Variants in TIGD1 observed in about 807,000 individuals in gnomAD.
TIGD1 encodes tigger transposable element-derived protein 1.
Under a neutral mutation model 21.3 loss-of-function variants are expected in TIGD1, and 20 were observed. The observed-to-expected ratio is 0.94, with a 90% CI of 0.66 to 1.36. The LOEUF (loss-of-function observed/expected upper bound fraction) is 1.36. Among genes scored for constraint, TIGD1 ranks in the 40% most tolerant of loss-of-function variants. The probability of loss-of-function intolerance (pLI) is 0.00; values close to 1 mark genes in which losing one functional copy is unlikely to be tolerated. For synonymous variants in TIGD1, 177 were observed against 123.2 expected (o/e 1.44, Z -2.89); for missense variants, 556 against 350.5 (o/e 1.59, Z -4.68).
Position 232,545,083 on chromosome 2 carries a change from G to A in TIGD1, c.*3024C>T, listed in dbSNP as rs1052397874. ...AGGCCGAGGCGAGTGGATCACCTGA[G>A]GTCAGGAGTTTGAGACCAGCCTGGC... is the stretch of plus-strand genomic sequence containing the variant. On this transcript the variant is annotated 3_prime_UTR_variant, in exon 1 of 1. Transcript: ENST00000408957. 1.3e-5 allele frequency among the ~76,000 whole-genome samples: 2 copies of A among 152,052 alleles called. No homozygotes were observed. Among genetic ancestry groups the A allele is most frequent in the Admixed American group, 1.3e-4 (2 of 15,278 alleles).
chr2:232,546,171 C>G lies in TIGD1; in HGVS notation c.*1936G>C, dbSNP rs1692129991. On this transcript the variant is annotated 3_prime_UTR_variant, in exon 1 of 1. Transcript: ENST00000408957. Reference sequence around the variant, plus strand: ...GCTCTCTCCAAAGCAGGGCAGCAGCCCATACCAGCTGGCATCTCCCCCCCG... The same window carrying G: ...GCTCTCTCCAAAGCAGGGCAGCAGCGCATACCAGCTGGCATCTCCCCCCCG... 4.2e-6 allele frequency: 1 copy of G among 237,190 alleles called. No homozygotes were observed. Among genetic ancestry groups the G allele is most frequent in the Non-Finnish European group, 8.4e-6 (1 of 118,576 alleles). The allele number at this position is 237,190 out of a possible 1,614,324, so 14.7% of individuals were successfully genotyped here.
chr2:232,549,273 T>C lies in TIGD1; in HGVS notation c.610A>G (p.Arg204Gly), dbSNP rs1692215691. 1 of 665,548 alleles carries C rather than the reference T, an allele frequency of 1.5e-6. No homozygotes were observed. The highest frequency in any genetic ancestry group is 2.7e-6 in the Non-Finnish European group (1 of 368,694). 41.2% of individuals were successfully genotyped at this position (665,548 alleles called of 1,614,324 possible). The stretch of plus-strand genomic sequence containing the variant: ...AAGCCAGGCACTGACTTCTCCTCTC[T>C]AGCTATGAAAGTTCTAGATGGCATC... ...KKMPSRTFIA[R>G]EEKSVPGFKA... is the part of the protein sequence containing the mutation. Residue 204 changes from arginine to glycine, a missense_variant, in exon 1 of 1, where the codon AGA becomes GGA. By Grantham distance (125) the Arg-to-Gly change is moderately radical. Transcript: ENST00000408957.
chr2:232,549,919 G>C lies in TIGD1; in HGVS notation c.-37C>G. ...TAATTCGCCTAATCTCAATATTGTT[G>C]TGTCTCAGGGAATAGGGAGGCCCAA... On this transcript the variant is annotated 5_prime_UTR_variant, in exon 1 of 1. Transcript: ENST00000408957. 8 of 1,172,216 alleles carry C rather than the reference G, an allele frequency of 6.8e-6. No homozygotes were observed. Among genetic ancestry groups the C allele is most frequent in the Non-Finnish European group, 9.5e-6 (8 of 841,742 alleles). 72.6% of individuals were successfully genotyped at this position (1,172,216 alleles called of 1,614,324 possible). A position where few individuals can be genotyped will look rare whatever the true frequency, so the allele number is the denominator to read the frequency against.
chr2:232,545,562 T>G lies in TIGD1; in HGVS notation c.*2545A>C. The G allele has an allele frequency of 1.2e-6, 2 of 1,613,966 alleles. No homozygotes were observed. The highest frequency in any genetic ancestry group is 1.7e-6 in the Non-Finnish European group (2 of 1,180,002). On this transcript the variant is annotated 3_prime_UTR_variant, in exon 1 of 1. Transcript: ENST00000408957. The stretch of plus-strand genomic sequence containing the variant: ...CCTCAGGGGAATGAGGAGTGGTTCC[T>G]GGTGGGCCGAGTGCTGGACCGCGTC...
rs935764126 is a variant in TIGD1, at chr2:232,548,942, A to C, written c.941T>G (p.Ile314Arg). Residue 314 changes from isoleucine to arginine, a missense_variant, in exon 1 of 1, where the codon ATA (isoleucine) becomes AGA (arginine). By Grantham distance (97) the Ile-to-Arg change is moderately conservative. Coordinates refer to ENST00000408957, the MANE Select transcript of TIGD1 (RefSeq NM_145702.4). ...APSHPRALME[I>R]YEEINVIFMP... ...GAAAATAACATTAATCTCCTCGTATATCTCCATCAGAGCTCTTGGATGACT... is the reference window on the plus strand; with the variant it reads ...GAAAATAACATTAATCTCCTCGTATCTCTCCATCAGAGCTCTTGGATGACT... 2.9e-6 allele frequency: 2 copies of C among 681,622 alleles called. No individual in the cohort carries two copies. Among genetic ancestry groups the C allele is most frequent in the Non-Finnish European group, 2.7e-6 (1 of 372,344 alleles). 42.2% of individuals were successfully genotyped at this position (681,622 alleles called of 1,614,324 possible). A position where few individuals can be genotyped will look rare whatever the true frequency, so the allele number is the denominator to read the frequency against.
In TIGD1 at chr2:232,547,720, T is replaced by C. The variant is rs533403823; in HGVS notation, c.*387A>G. On this transcript the variant is annotated 3_prime_UTR_variant, in exon 1 of 1. Coordinates refer to ENST00000408957, the MANE Select transcript of TIGD1 (RefSeq NM_145702.4). ...AGGGAATCTGATGACAGTGGGGCCA[T>C]TTCCGGTTCCCACCAGCCCCTTACT... Among the ~76,000 whole-genome samples the C allele has an allele frequency of 2.0e-5, 3 of 152,324 alleles. No homozygotes were observed. The highest frequency in any genetic ancestry group is 4.1e-4 in the South Asian group (2 of 4,828).
chr2:232,544,401 T>G lies in TIGD1; in HGVS notation c.*3706A>C. ...AGGCTCTTGCCCCAGCTGCTGAGGA[T>G]GCACGTTCGCCCGCTGGCCCCGGCA... On this transcript the variant is annotated 3_prime_UTR_variant, in exon 1 of 1. Coordinates refer to ENST00000408957, the MANE Select transcript of TIGD1 (RefSeq NM_145702.4). 6.2e-7 allele frequency: 1 copy of G among 1,613,474 alleles called. No individual in the cohort carries two copies. The highest frequency in any genetic ancestry group is 8.5e-7 in the Non-Finnish European group (1 of 1,180,004).
chr2:232,548,058 T>C lies in TIGD1; in HGVS notation c.*49A>G. The C allele has an allele frequency of 1.7e-6, 1 of 580,762 alleles. No individual in the cohort carries two copies. The highest frequency in any genetic ancestry group is 3.0e-6 in the Non-Finnish European group (1 of 332,854). The allele number at this position is 580,762 out of a possible 1,614,324, so 36.0% of individuals were successfully genotyped here. A position where few individuals can be genotyped will look rare whatever the true frequency, so the allele number is the denominator to read the frequency against. ...GCAATAGCATTGTCTAATAAAACAA[T>C]ATACATACCTAAATTTAAAAATACT... is the stretch of plus-strand genomic sequence containing the variant. On this transcript the variant is annotated 3_prime_UTR_variant, in exon 1 of 1. Transcript: ENST00000408957.
rs1170836919 is a variant in TIGD1, at chr2:232,548,607, C to T, written c.1276G>A (p.Ala426Thr). The T allele has an allele frequency of 5.4e-6, 3 of 553,402 alleles. No homozygotes were observed. Among genetic ancestry groups the T allele is most frequent in the Non-Finnish European group, 1.0e-5 (3 of 294,764 alleles). 34.3% of individuals were successfully genotyped at this position (553,402 alleles called of 1,614,324 possible). A position where few individuals can be genotyped will look rare whatever the true frequency, so the allele number is the denominator to read the frequency against. ...GFKTSVEEVS[A>T]DVVEIAKELE... ...TCTTTTGCTATTTCCACCACATCTG[C>T]ACTTACTTCCTCCACTGAAGTCTTG... Residue 426 changes from alanine (A) to threonine (T), a missense_variant, in exon 1 of 1, where the codon GCA (alanine) becomes ACA (threonine). Physicochemically the swap from Ala to Thr is moderately conservative, Grantham distance 58 (BLOSUM62 0). Transcript: ENST00000408957.
chr2:232,548,457 T>C lies in TIGD1; in HGVS notation c.1426A>G (p.Thr476Ala), dbSNP rs1042395509. Reference sequence around the variant, plus strand: ...ATGTTCACAGCATCTTCACCAGGTGTAGATTCCATCTCAAGAAACCACTTT... The same window carrying C: ...ATGTTCACAGCATCTTCACCAGGTGCAGATTCCATCTCAAGAAACCACTTT... ...QRKWFLEMES[T>A]PGEDAVNIVE... is the part of the protein sequence containing the mutation. Residue 476 changes from threonine to alanine, a missense_variant, in exon 1 of 1, where the codon ACA (threonine) becomes GCA (alanine). Coordinates refer to ENST00000408957, the MANE Select transcript of TIGD1 (RefSeq NM_145702.4). 8.6e-6 allele frequency: 6 copies of C among 695,448 alleles called. No homozygotes were observed. The highest frequency in any genetic ancestry group is 3.4e-5 in the South Asian group (2 of 58,508). The allele number at this position is 695,448 out of a possible 1,614,324, so 43.1% of individuals were successfully genotyped here. A position where few individuals can be genotyped will look rare whatever the true frequency, so the allele number is the denominator to read the frequency against.
rs1244612222 is a variant in TIGD1 at position 232,548,114 on chromosome 2, G to A, written c.1769C>T (p.Ser590Leu). ...PAKRVRLTEG[S>L]D ...GCTAAAAAATGCTGATTATCAATCTGAGCCTTCGGTGAGTCGTACTCTTTT... is the reference window on the plus strand; with the variant it reads ...GCTAAAAAATGCTGATTATCAATCTAAGCCTTCGGTGAGTCGTACTCTTTT... The change falls in exon 1 of 1, where the codon TCA (serine) becomes TTA (leucine). Residue 590 changes from serine to leucine, a missense_variant. Physicochemically the swap from Ser to Leu is moderately radical, Grantham distance 145. Transcript: ENST00000408957. 8 of 754,178 alleles carry A rather than the reference G, an allele frequency of 1.1e-5. No individual in the cohort carries two copies. The highest frequency in any genetic ancestry group is 1.8e-5 in the African/African-American group (1 of 56,174). 46.7% of individuals were successfully genotyped at this position (754,178 alleles called of 1,614,324 possible).
At position 232,548,172 on chromosome 2, in the gene TIGD1, G is replaced by C; in HGVS notation, c.1711C>G (p.Pro571Ala). ...SAATTLTSQQPSTSRQDPPPA... is the reference protein window; with the variant it reads ...SAATTLTSQQASTSRQDPPPA... ...GGAGGGTCTTGCCTCGAGGTTGATG[G>C]TTGCTGACTGGTCAGGGTGGTGGCT... The change falls in exon 1 of 1, where the codon CCA becomes GCA. Residue 571 changes from proline to alanine, a missense_variant. Pro to Ala is a conservative substitution (Grantham distance 27). Transcript: ENST00000408957. The C allele has an allele frequency of 6.8e-7, 1 of 1,476,742 alleles. No individual in the cohort carries two copies. The highest frequency in any genetic ancestry group is 9.1e-7 in the Non-Finnish European group (1 of 1,102,330). The allele number at this position is 1,476,742 out of a possible 1,614,324, so 91.5% of individuals were successfully genotyped here.
At position 232,545,713 on chromosome 2, in the gene TIGD1, C is replaced by T. The variant is rs754319350; in HGVS notation, c.*2394G>A. ...CACGCCCCTACCTGCCCTCACCAGACTGAGCCAACCAACCACTGTGGGGCA... is the reference window on the plus strand; with the variant it reads ...CACGCCCCTACCTGCCCTCACCAGATTGAGCCAACCAACCACTGTGGGGCA... On this transcript the variant is annotated 3_prime_UTR_variant, in exon 1 of 1. Transcript: ENST00000408957. 1.2e-4 allele frequency: 191 copies of T among 1,614,042 alleles called. No individual in the cohort carries two copies. Among genetic ancestry groups the T allele is most frequent in the Middle Eastern group, 3.3e-4 (2 of 6,084 alleles).
At position 232,547,647 on chromosome 2, in the gene TIGD1, T is replaced by C. The variant is rs1692155871; in HGVS notation, c.*460A>G. ...TGAAGCAAGAGCAGAGTCAGAGCTA[T>C]AGAGAACTAGAGGAGTTAGGGAGAG... On this transcript the variant is annotated 3_prime_UTR_variant, in exon 1 of 1. Coordinates refer to ENST00000408957, the MANE Select transcript of TIGD1 (RefSeq NM_145702.4). Among the ~76,000 whole-genome samples the C allele has an allele frequency of 6.6e-6, 1 of 152,142 alleles. No homozygotes were observed. Among genetic ancestry groups the C allele is most frequent in the Admixed American group, 6.6e-5 (1 of 15,264 alleles).
Position 232,544,267 on chromosome 2 carries a change from C to A in TIGD1, c.*3840G>T. The A allele has an allele frequency of 4.4e-6, 4 of 913,876 alleles. No individual in the cohort carries two copies. Among genetic ancestry groups the A allele is most frequent in the Non-Finnish European group, 7.2e-6 (4 of 553,464 alleles). The allele number at this position is 913,876 out of a possible 1,614,324, so 56.6% of individuals were successfully genotyped here. ...AAGGCCACGTCACTGCCCCGGTATGCTGCCTCCATGGTCCCTAGCAGCACA... is the reference window on the plus strand; with the variant it reads ...AAGGCCACGTCACTGCCCCGGTATGATGCCTCCATGGTCCCTAGCAGCACA... On this transcript the variant is annotated 3_prime_UTR_variant, in exon 1 of 1. Transcript: ENST00000408957.
chr2:232,549,907 C>G lies in TIGD1; in HGVS notation c.-25G>C. ...TTGCAGAGTCATTAATTCGCCTAAT[C>G]TCAATATTGTTGTGTCTCAGGGAAT... is the stretch of plus-strand genomic sequence containing the variant. On this transcript the variant is annotated 5_prime_UTR_variant, in exon 1 of 1. Coordinates refer to ENST00000408957, the MANE Select transcript of TIGD1 (RefSeq NM_145702.4). The G allele has an allele frequency of 7.9e-7, 1 of 1,258,386 alleles. No individual in the cohort carries two copies. The highest frequency in any genetic ancestry group is 1.1e-6 in the Non-Finnish European group (1 of 915,966). The allele number at this position is 1,258,386 out of a possible 1,614,324, so 78.0% of individuals were successfully genotyped here.
In TIGD1 at chr2:232,544,505, T is replaced by C. The variant is rs778834766; in HGVS notation, c.*3602A>G. 6.2e-7 allele frequency: 1 copy of C among 1,613,826 alleles called. No individual in the cohort carries two copies. The highest frequency in any genetic ancestry group is 8.5e-7 in the Non-Finnish European group (1 of 1,179,978). On this transcript the variant is annotated 3_prime_UTR_variant, in exon 1 of 1. Transcript: ENST00000408957. Reference sequence around the variant, plus strand: ...CACAACTGGGGAGGAGGTGGCCCTCTGCCTGCCTCGCAGTGAACTCCTCTT... The same window carrying C: ...CACAACTGGGGAGGAGGTGGCCCTCCGCCTGCCTCGCAGTGAACTCCTCTT...
chr2:232,547,357 G>A lies in TIGD1; in HGVS notation c.*750C>T, dbSNP rs976417995. 6.6e-6 allele frequency among the ~76,000 whole-genome samples: 1 copy of A among 152,172 alleles called. No individual in the cohort carries two copies. The highest frequency in any genetic ancestry group is 6.5e-5 in the Admixed American group (1 of 15,282). Reference sequence around the variant, plus strand: ...CGCTTGAGCCCAGGAGGTCTAGGCTGCAGTGAGCTGTGATCATGTGACTGC... The same window carrying A: ...CGCTTGAGCCCAGGAGGTCTAGGCTACAGTGAGCTGTGATCATGTGACTGC... On this transcript the variant is annotated 3_prime_UTR_variant, in exon 1 of 1. Transcript: ENST00000408957.
At position 232,550,541 on chromosome 2, in the gene TIGD1, T is replaced by C. The variant is rs1405182800; in HGVS notation, c.-659A>G. 2 of 712,946 alleles carry C rather than the reference T, an allele frequency of 2.8e-6. No homozygotes were observed. Among genetic ancestry groups the C allele is most frequent in the Non-Finnish European group, 4.7e-6 (2 of 427,038 alleles). 44.2% of individuals were successfully genotyped at this position (712,946 alleles called of 1,614,324 possible). On this transcript the variant is annotated 5_prime_UTR_variant, in exon 1 of 1. Coordinates refer to ENST00000408957, the MANE Select transcript of TIGD1 (RefSeq NM_145702.4). ...TGAGGCCAGCAGCCAGCTCCGCCGC[T>C]GAGTCCAGCCCTCTGCGCAGCCGCC... is the stretch of plus-strand genomic sequence containing the variant.
Sources: allele counts gnomAD v4.1 joint callset (sites outside exome capture counted in the v4.1 genomes callset), GRCh38; gene constraint gnomAD v4.1.1; transcripts MANE v1.5; gene names NCBI Gene and HGNC (gene_info 2026-07-23, HGNC 2026-07-21).